The following CTSV variants were observed in gnomAD, a reference collection of about 807,000 sequenced individuals.
CTSV encodes cathepsin L2.
In CTSV, 33 loss-of-function variants were observed where a neutral mutation model predicts 35.6. The ratio of observed to expected loss-of-function variants is 0.93; its 90% CI spans 0.70 to 1.24. The LOEUF is 1.24. Ranked by LOEUF, CTSV falls within the 50% of genes most tolerant of loss-of-function variation. The probability of loss-of-function intolerance (pLI) is 0.00; values close to 1 mark genes in which losing one functional copy is unlikely to be tolerated. For synonymous variants in CTSV, 154 were observed against 147.1 expected, an observed-to-expected ratio of 1.05 and a Z score of -0.34; for missense variants, 408 against 413.1, an observed-to-expected ratio of 0.99 and a Z score of 0.11.
rs1828813488 is a variant in CTSV, at chr9:97,034,627, GAAGA to G, written c.905+95_905+98del. On this transcript the variant is annotated intron_variant, in intron 7 of 7. Coordinates refer to ENST00000259470, the MANE Select transcript of CTSV (RefSeq NM_001333.4). The stretch of plus-strand genomic sequence containing the variant: ...AATATTTCTGTGTTCACTCTAAGTA[GAAGA>G]AAGACTTTCGGAATTTTGAAATTGA... 3.3e-6 allele frequency: 3 copies of G among 895,996 alleles called. No individual in the cohort carries two copies. In the East Asian group the frequency reaches 7.2e-5, roughly 22 times the overall value. The allele number at this position is 895,996 out of a possible 1,614,324, so 55.5% of individuals were successfully genotyped here. A position where few individuals can be genotyped will look rare whatever the true frequency, so the allele number is the denominator to read the frequency against.
intron 5 of CTSV, among the ~76,000 whole-genome samples, 187 bp from the exon 6 acceptor site, chr9:97,035,880 A>G (rs1426205262): frequency 6.6e-6 from 1 of 152,188 alleles, no homozygotes; most frequent in Non-Finnish European, 1.5e-5. Context: ...CATTTCTTCA[A>G]TGAGAACCCC....
chr9:97,037,264 T>C lies in CTSV; in HGVS notation c.384A>G (p.Pro128=), dbSNP rs374341587. The change falls in exon 4 of 8, where the codon CCA becomes CCG. Residue 128 remains proline, a synonymous_variant. Transcript: ENST00000259470. ...GACGCTGTCTCACCTGATTCTTCAC[T>C]GGCGTCACGTAGCCTTTCTTTCTCC... The part of the protein sequence containing the change: ...VDWRKKGYVT[P]VKNQKQCGSC... 22 of 1,613,942 alleles carry C rather than the reference T, an allele frequency of 1.4e-5. No homozygotes were observed. The highest frequency in any genetic ancestry group is 1.8e-5 in the Non-Finnish European group (21 of 1,179,950).
At chr9:97,037,754 CAAGA>C in intron 2 of CTSV, 139 bp from the exon 3 acceptor site, 2 of 1,409,962 alleles carry the variant, frequency 1.4e-6, no homozygotes, top group South Asian at 2.6e-5. Flanking sequence ...TTCTCCAAGC[CAAGA>C]CACAATGGAG....
intron 4 of CTSV, 78 bp from the exon 5 acceptor site, chr9:97,036,825 T>G: frequency 8.6e-7 from 1 of 1,166,232 alleles, no homozygotes; most frequent in Non-Finnish European, 1.2e-6. Context: ...ATTACCTTAA[T>G]ATTCTTTAAA....
intron 6 of CTSV, 39 bp from the exon 7 acceptor site, chr9:97,034,882 A>G (rs377238256): frequency 1.3e-6 from 2 of 1,541,532 alleles, no homozygotes; most frequent in African/African-American, 1.4e-5. Context: ...AGAAGCTCCA[A>G]GCGACATGTG....
Position 97,029,996 on chromosome 9 carries a change from C to G in CTSV, c.*2953G>C, listed in dbSNP as rs1185856230. ...CTAGGTGTGTAATAGGCTATACCAT[C>G]TAGGTTTGTGTCAGTGTACTCTATG... On this transcript the variant is annotated 3_prime_UTR_variant, in exon 8 of 8. Coordinates refer to ENST00000259470, the MANE Select transcript of CTSV (RefSeq NM_001333.4). The G allele has an allele frequency of 6.6e-6, 1 of 152,192 alleles. No homozygotes were observed. The highest frequency in any genetic ancestry group is 2.4e-5 in the African/African-American group (1 of 41,454). The allele number at this position is 152,192 out of a possible 1,614,324, so 9.4% of individuals were successfully genotyped here.
chr9:97,034,596 A>C (rs2119230245), intron 7 of CTSV, 130 bp downstream of exon 7: 1 of 695,812 alleles, frequency 1.4e-6, no homozygotes, highest in East Asian at 2.5e-5. Flanking sequence ...CTTATAATCA[A>C]ACATTAATAT....
intron 5 of CTSV, 44 bp downstream of exon 5, chr9:97,036,479 T>A (rs1277204545): frequency 7.0e-7 from 1 of 1,424,736 alleles, no homozygotes; most frequent in Admixed American, 1.7e-5. Context: ...TGTTCCACTT[T>A]CCAAAAGCAG....
At chr9:97,034,465 C>A (rs540816480) in intron 7 of CTSV, among the ~76,000 whole-genome samples, 1 of 152,288 alleles carries the variant, frequency 6.6e-6, no homozygotes, top group African/African-American at 2.4e-5. Flanking sequence ...ACCTACAGGT[C>A]CACAGTCCTT....
chr9:97,036,220 G>A (rs569716400), intron 5 of CTSV, among the ~76,000 whole-genome samples: 4 of 152,052 alleles, frequency 2.6e-5, no homozygotes, highest in Admixed American at 1.3e-4. Context: ...ACGGGCACCC[G>A]CCACCAGGCC....
At position 97,035,709 on chromosome 9, in the gene CTSV, G is replaced by T. The variant is rs144473828; in HGVS notation, c.622-16C>A. 2 of 1,451,140 alleles carry T rather than the reference G, an allele frequency of 1.4e-6. No homozygotes were observed. The highest frequency in any genetic ancestry group is 1.8e-6 in the Non-Finnish European group (2 of 1,088,718). The allele number at this position is 1,451,140 out of a possible 1,614,324, so 89.9% of individuals were successfully genotyped here. Reference sequence around the variant, plus strand: ...AGATTTCATCCTTTTAAAGTTAAAGGGGGAGAGACTTGATCACTACCATCT... The same window carrying T: ...AGATTTCATCCTTTTAAAGTTAAAGTGGGAGAGACTTGATCACTACCATCT... On this transcript the variant is annotated splice_polypyrimidine_tract_variant and intron_variant, in intron 5 of 7. Coordinates refer to ENST00000259470, the MANE Select transcript of CTSV (RefSeq NM_001333.4).
At chr9:97,037,746 C>T in intron 2 of CTSV, 131 bp from the exon 3 acceptor site, 1 of 1,434,110 alleles carries the variant, frequency 7.0e-7, no homozygotes, top group Non-Finnish European at 9.5e-7. Context: ...GGGAGCTGTT[C>T]TCCAAGCCAA....
rs750810939 is a variant in CTSV at position 97,031,838 on chromosome 9, C to T, written c.*1111G>A. On this transcript the variant is annotated 3_prime_UTR_variant, in exon 8 of 8. Transcript: ENST00000259470. ...TCAAATGCCTGAGATTTGTTAACCACACCATTTATTTTTGCTAACACTAGT... is the reference window on the plus strand; with the variant it reads ...TCAAATGCCTGAGATTTGTTAACCATACCATTTATTTTTGCTAACACTAGT... The T allele has an allele frequency of 6.6e-6, 1 of 152,216 alleles. No individual in the cohort carries two copies. The highest frequency in any genetic ancestry group is 1.5e-5 in the Non-Finnish European group (1 of 68,040). 9.4% of individuals were successfully genotyped at this position (152,216 alleles called of 1,614,324 possible).
chr9:97,033,100 G>T, intron 7 of CTSV, 52 bp from the exon 8 acceptor site: 3 of 1,238,580 alleles, frequency 2.4e-6, no homozygotes, highest in African/African-American at 1.5e-5. Flanking sequence ...GGGAAAATTG[G>T]CTCCATTAAT....
chr9:97,034,111 CAAAT>C (rs753137165), intron 7 of CTSV, among the ~76,000 whole-genome samples: 7 of 152,126 alleles, frequency 4.6e-5, no homozygotes, highest in Admixed American at 6.5e-5. Context: ...AATAAATAAA[CAAAT>C]GAATGAATGA....
intron 2 of CTSV, 51 bp from the exon 3 acceptor site, chr9:97,037,666 T>C (rs776190178): frequency 1.7e-5 from 27 of 1,599,064 alleles, no homozygotes; most frequent in Non-Finnish European, 7.7e-6. Context: ...ACCCAACCCA[T>C]GTTCACCAAG....
chr9:97,030,672 G>A lies in CTSV; in HGVS notation c.*2277C>T, dbSNP rs1230674017. 1 of 152,194 alleles carries A rather than the reference G, an allele frequency of 6.6e-6. No individual in the cohort carries two copies. The highest frequency in any genetic ancestry group is 2.4e-5 in the African/African-American group (1 of 41,446). The allele number at this position is 152,194 out of a possible 1,614,324, so 9.4% of individuals were successfully genotyped here. A position where few individuals can be genotyped will look rare whatever the true frequency, so the allele number is the denominator to read the frequency against. ...CCTTCCCAAACGAAACAAAGGCATG[G>A]GGTCTGGCTAGTTATCTGCAGCAGG... On this transcript the variant is annotated 3_prime_UTR_variant, in exon 8 of 8. Coordinates refer to ENST00000259470, the MANE Select transcript of CTSV (RefSeq NM_001333.4).
intron 2 of CTSV, 150 bp downstream of exon 2, chr9:97,037,768 G>A (rs1828881223): frequency 1.5e-6 from 2 of 1,368,732 alleles, no homozygotes; most frequent in Non-Finnish European, 1.0e-6. Flanking sequence ...ACACAATGGA[G>A]ATATATGCCC....
chr9:97,034,962 G>A lies in CTSV; in HGVS notation c.788-119C>T. 4.3e-6 allele frequency: 3 copies of A among 698,138 alleles called. 1 individual carries two copies. In the South Asian group the frequency reaches 6.5e-5, roughly 15 times the overall value. 43.2% of individuals were successfully genotyped at this position (698,138 alleles called of 1,614,324 possible). A position where few individuals can be genotyped will look rare whatever the true frequency, so the allele number is the denominator to read the frequency against. On this transcript the variant is annotated intron_variant, in intron 6 of 7. Transcript: ENST00000259470. ...ATTCAGTAAAATGTCATAAACAAAT[G>A]CCAAATAAGGACCCAAACAATATTG...
Sources: gnomAD v4.1 joint callset for allele counts (sites outside exome capture counted in the v4.1 genomes callset) on GRCh38, gnomAD v4.1.1 for gene constraint, MANE v1.5 for transcripts, NCBI Gene and HGNC (gene_info 2026-07-23, HGNC 2026-07-21) for gene names.